The following ETV6 variants were observed in gnomAD, a reference collection of about 807,000 sequenced individuals.
ETV6 encodes the protein ETS variant transcription factor 6.
ETV6 carries 16 observed loss-of-function variants against 51.1 expected under a neutral mutation model. That is an observed-to-expected ratio of 0.31 (90% CI 0.21 to 0.48). ETV6 has a LOEUF of 0.48. ETV6 is among the 20% of genes least tolerant of loss of function. The pLI is 0.99. For missense variants in ETV6, 458 were observed against 594.8 expected (o/e 0.77, Z 2.39); for synonymous variants, 240 against 224.1 (o/e 1.07, Z -0.64).
At chr12:11,843,001 A>G (rs1165990221) in intron 3 of ETV6, among the ~76,000 whole-genome samples, 1 of 152,240 alleles carries the variant, frequency 6.6e-6, no homozygotes, top group Non-Finnish European at 1.5e-5. Context: ...GGCTGGGAAT[A>G]ATAGATGTGA....
intron 1 of ETV6, among the ~76,000 whole-genome samples, chr12:11,735,027 G>A (rs1343183206): frequency 6.7e-6 from 1 of 149,898 alleles, no homozygotes; most frequent in African/African-American, 2.5e-5. Flanking sequence ...TTATTAATGG[G>A]CAAAATGTCT....
chr12:11,767,152 A>C (rs1945173448), intron 2 of ETV6, among the ~76,000 whole-genome samples: 1 of 152,224 alleles, frequency 6.6e-6, no homozygotes, highest in Non-Finnish European at 1.5e-5. Context: ...CAGTTGTCTA[A>C]ATTTAAGGGC....
At position 11,892,377 on chromosome 12, in the gene ETV6, CT is replaced by C. The variant is rs1188481968; in HGVS notation, c.*1334del. On this transcript the variant is annotated 3_prime_UTR_variant, in exon 8 of 8. Transcript: ENST00000396373. ...AAATTCCTCGGATACATTATTTTTT[CT>C]TTCTTTCATAGCTGTGTCTCAGAAA... 3.0e-5 allele frequency: 7 copies of C among 233,040 alleles called. No individual in the cohort carries two copies. Among genetic ancestry groups the C allele is most frequent in the Non-Finnish European group, 5.9e-5 (7 of 117,996 alleles). The allele number at this position is 233,040 out of a possible 1,614,324, so 14.4% of individuals were successfully genotyped here.
intron 2 of ETV6, among the ~76,000 whole-genome samples, chr12:11,834,873 C>A (rs989600898): frequency 6.6e-6 from 1 of 152,106 alleles, no homozygotes; most frequent in African/African-American, 2.4e-5. Flanking sequence ...ACTCTAAGCC[C>A]GTCATTGTAC....
intron 4 of ETV6, among the ~76,000 whole-genome samples, chr12:11,865,619 C>T (rs928188550): frequency 6.8e-6 from 1 of 147,492 alleles, no homozygotes; most frequent in African/African-American, 2.5e-5. Flanking sequence ...CTTATATATA[C>T]TATGTAAGTA....
At chr12:11,832,622 A>C (rs569574862) in intron 2 of ETV6, among the ~76,000 whole-genome samples, 3 of 152,352 alleles carry the variant, frequency 2.0e-5, no homozygotes, top group East Asian at 1.9e-4. Flanking sequence ...TACGAGTGGA[A>C]GACATTATCA....
chr12:11,651,383 C>T (rs1213404902), intron 1 of ETV6, among the ~76,000 whole-genome samples: 9 of 152,188 alleles, frequency 5.9e-5, no homozygotes, highest in Admixed American at 5.2e-4. Context: ...ATCATACGTG[C>T]TTACTAGGTT....
intron 2 of ETV6, among the ~76,000 whole-genome samples, chr12:11,766,501 C>T (rs1945162968): frequency 2.0e-5 from 3 of 152,352 alleles, no homozygotes; most frequent in African/African-American, 4.8e-5. Flanking sequence ...CCACACCTTT[C>T]TTCACAGCCT....
intron 1 of ETV6, among the ~76,000 whole-genome samples, chr12:11,724,384 C>A (rs545189203): frequency 1.3e-5 from 2 of 152,302 alleles, no homozygotes; most frequent in Non-Finnish European, 2.9e-5. Context: ...GTGGAGTGGG[C>A]CTGTGCCCAT....
intron 1 of ETV6, among the ~76,000 whole-genome samples, chr12:11,747,199 C>G (rs1419080849): frequency 6.6e-6 from 1 of 152,146 alleles, no homozygotes; most frequent in Non-Finnish European, 1.5e-5. Flanking sequence ...ACAGGGTACA[C>G]TCATTTTTTT....
intron 2 of ETV6, among the ~76,000 whole-genome samples, chr12:11,820,083 G>A (rs936540386): frequency 1.3e-5 from 2 of 152,212 alleles, no homozygotes; most frequent in African/African-American, 2.4e-5. Flanking sequence ...CATACTTAAT[G>A]CTCATAATTC....
At chr12:11,738,924 A>G (rs1015088183) in intron 1 of ETV6, among the ~76,000 whole-genome samples, 1 of 152,122 alleles carries the variant, frequency 6.6e-6, no homozygotes, top group Non-Finnish European at 1.5e-5. Context: ...CCGAAGTGTT[A>G]TGGCCAAGTT....
intron 2 of ETV6, among the ~76,000 whole-genome samples, chr12:11,800,982 T>C (rs1343701479): frequency 1.3e-5 from 2 of 152,198 alleles, no homozygotes; most frequent in African/African-American, 4.8e-5. Context: ...TTCTAGATAA[T>C]ACTAGGTTTA....
At position 11,892,391 on chromosome 12, in the gene ETV6, T is replaced by TGTGTCTCAGAAAGGACCC; in HGVS notation, c.*1346_*1363dup. The TGTGTCTCAGAAAGGACCC allele has an allele frequency of 4.3e-6, 1 of 233,198 alleles. No individual in the cohort carries two copies. The highest frequency in any genetic ancestry group is 6.0e-5 in the East Asian group (1 of 16,588). 14.4% of individuals were successfully genotyped at this position (233,198 alleles called of 1,614,324 possible). A position where few individuals can be genotyped will look rare whatever the true frequency, so the allele number is the denominator to read the frequency against. On this transcript the variant is annotated 3_prime_UTR_variant, in exon 8 of 8. Coordinates refer to ENST00000396373, the MANE Select transcript of ETV6 (RefSeq NM_001987.5). ...CATTATTTTTTCTTTCTTTCATAGC[T>TGTGTCTCAGAAAGGACCC]GTGTCTCAGAAAGGACCCATTTGTG...
At chr12:11,886,292 G>A (rs1237408015) in intron 7 of ETV6, among the ~76,000 whole-genome samples, 1 of 152,198 alleles carries the variant, frequency 6.6e-6, no homozygotes, top group Non-Finnish European at 1.5e-5. Context: ...ATAATATTAT[G>A]TGGCATTAAA....
chr12:11,828,556 G>A (rs998051617), intron 2 of ETV6, among the ~76,000 whole-genome samples: 1 of 152,042 alleles, frequency 6.6e-6, no homozygotes, highest in Non-Finnish European at 1.5e-5. Context: ...TTGCATACAC[G>A]AGACTAAAAA....
At chr12:11,735,269 G>A (rs1349422010) in intron 1 of ETV6, among the ~76,000 whole-genome samples, 5 of 152,032 alleles carry the variant, frequency 3.3e-5, no homozygotes, top group Non-Finnish European at 5.9e-5. Context: ...TCCCAGGATA[G>A]AATAGGGTCA....
intron 1 of ETV6, among the ~76,000 whole-genome samples, chr12:11,703,813 C>G (rs1321660730): frequency 6.6e-6 from 1 of 152,100 alleles, no homozygotes; most frequent in African/African-American, 2.4e-5. Flanking sequence ...TTATGTAATT[C>G]CTTTCAATTT....
chr12:11,859,118 GGTTTTTTTTTTTTTTTTTTTTTT>G (rs1467134873), intron 4 of ETV6, among the ~76,000 whole-genome samples: 13 of 41,800 alleles, frequency 3.1e-4, no homozygotes, highest in South Asian at 2.6e-3. Flanking sequence ...ATATGAATCT[GGTTTTTTTTTTTTTTTTTTTTTT>G]TTTTTTTTTT....
Sources: allele counts gnomAD v4.1 joint callset (sites outside exome capture counted in the v4.1 genomes callset), GRCh38; gene constraint gnomAD v4.1.1; transcripts MANE v1.5; gene names NCBI Gene and HGNC (gene_info 2026-07-23, HGNC 2026-07-21).